Variants in ALDH3A1 observed in about 807,000 individuals in gnomAD.
ALDH3A1 encodes aldehyde dehydrogenase 3 family member A1.
ALDH3A1 carries 46 observed loss-of-function variants against 49.9 expected under a neutral mutation model. The observed-to-expected ratio is 0.92, with a 90% confidence interval of 0.73 to 1.18. The LOEUF (loss-of-function observed/expected upper bound fraction) is 1.18, where lower values mean the gene tolerates loss of function less well. Among genes scored for constraint, ALDH3A1 ranks in the 50% most tolerant of loss-of-function variants. The pLI, the probability that ALDH3A1 is intolerant of heterozygous loss-of-function variation, is 0.00. For synonymous variants in ALDH3A1, 269 were observed against 253.3 expected (o/e 1.06, Z -0.59); for missense variants, 592 against 611.8 (o/e 0.97, Z 0.34).
intron 1 of ALDH3A1, among the ~76,000 whole-genome samples, chr17:19,747,332 G>T (rs191412592): frequency 4.8e-4 from 73 of 152,220 alleles, no homozygotes; most frequent in African/African-American, 1.6e-3. Flanking sequence ...CCCTCCCTAT[G>T]TTCTGATAGG....
chr17:19,738,192 A>ATGGCC lies in ALDH3A1; in HGVS notation c.*24_*28dup. 1.2e-6 allele frequency: 2 copies of ATGGCC among 1,613,778 alleles called. No homozygotes were observed. The highest frequency in any genetic ancestry group is 2.2e-5 in the South Asian group (2 of 91,078). On this transcript the variant is annotated 3_prime_UTR_variant, in exon 11 of 11. Transcript: ENST00000225740. ...GGTCCGCACTCCGATGGGACACAGT[A>ATGGCC]TGGCCAGGCCAGGCGGAGCAACCCC... is the stretch of plus-strand genomic sequence containing the variant.
At chr17:19,744,919 C>CCACCCA in intron 2 of ALDH3A1, 49 bp downstream of exon 2, 3 of 1,385,394 alleles carry the variant, frequency 2.2e-6, no homozygotes, top group Non-Finnish European at 2.8e-6. Flanking sequence ...CCCCACGCCC[C>CCACCCA]ATCGCATGGC....
At chr17:19,747,741 G>C (rs999074585) in intron 1 of ALDH3A1, among the ~76,000 whole-genome samples, 3 of 152,172 alleles carry the variant, frequency 2.0e-5, no homozygotes, top group Non-Finnish European at 2.9e-5. Context: ...ACCTGTGCCA[G>C]TGTTGACTTT....
At chr17:19,744,465 G>A (rs1267883331) in intron 2 of ALDH3A1, 6 of 985,324 alleles carry the variant, frequency 6.1e-6, no homozygotes, top group African/African-American at 1.7e-5. Flanking sequence ...GTCGGTGGGA[G>A]GATGGGCTCC....
chr17:19,743,378 G>T lies in ALDH3A1; in HGVS notation c.248C>A (p.Ala83Glu). 6.2e-7 allele frequency: 1 copy of T among 1,614,156 alleles called. No homozygotes were observed. Among genetic ancestry groups the T allele is most frequent in the African/African-American group, 1.3e-5 (1 of 75,050 alleles). Residue 83 changes from alanine to glutamate, a missense_variant, in exon 3 of 11, where the codon GCG (alanine) becomes GAG (glutamate). By Grantham distance (107) the Ala-to-Glu change is moderately radical. Coordinates refer to ENST00000225740, the MANE Select transcript of ALDH3A1 (RefSeq NM_000691.5). The surrounding 1 kb of genome is among the most constrained non-coding windows in gnomAD (Gnocchi z 4.4). ...GGGCGTCTTCTCCACGGGCTCATCC[G>T]CGGCCCACTCAGGGAGCTTCTGGAT... ...YMIQKLPEWA[A>E]DEPVEKTPQT...
chr17:19,738,959 G>T, intron 9 of ALDH3A1, 37 bp downstream of exon 9: 1 of 1,588,986 alleles, frequency 6.3e-7, no homozygotes. Context: ...CAGCCCTGGG[G>T]CCCAGAGGGA....
Position 19,744,959 on chromosome 17 carries a change from C to A in ALDH3A1, c.162+9G>T, listed in dbSNP as rs776492802. The A allele has an allele frequency of 4.7e-5, 73 of 1,560,074 alleles. No individual in the cohort carries two copies. In the East Asian group the frequency reaches 1.7e-3, roughly 37 times the overall value. On this transcript the variant is annotated intron_variant, in intron 2 of 10. Coordinates refer to ENST00000225740, the MANE Select transcript of ALDH3A1 (RefSeq NM_000691.5). ...ACACTGGCAGAAGGCGGCCGCCCAG[C>A]CTGAGCACCTTGTGCAGGTCTGCGG...
Position 19,744,976 on chromosome 17 carries a change from G to A in ALDH3A1, c.154C>T (p.Leu52=). The A allele has an allele frequency of 6.4e-7, 1 of 1,571,194 alleles. No individual in the cohort carries two copies. Among genetic ancestry groups the A allele is most frequent in the Non-Finnish European group, 8.5e-7 (1 of 1,169,842 alleles). ...CCGCCCAGCCTGAGCACCTTGTGCAGGTCTGCGGCCAGCGCGCCCACCAGC... is the reference window on the plus strand; with the variant it reads ...CCGCCCAGCCTGAGCACCTTGTGCAAGTCTGCGGCCAGCGCGCCCACCAGC... ...QELVGALAAD[L]HKNEWNAYYE... Residue 52 remains leucine (L), a synonymous_variant, in exon 2 of 11, where the codon CTG becomes TTG. Coordinates refer to ENST00000225740, the MANE Select transcript of ALDH3A1 (RefSeq NM_000691.5).
At chr17:19,740,299 C>G (rs764054865) in intron 7 of ALDH3A1, 37 bp downstream of exon 7, 1 of 1,605,034 alleles carries the variant, frequency 6.2e-7, no homozygotes, top group South Asian at 1.1e-5. Context: ...CCCCTGCAGC[C>G]TGGGCAGGTG....
intron 6 of ALDH3A1, 114 bp from the exon 7 acceptor site, chr17:19,740,591 GC>G (rs1319992920): frequency 1.7e-6 from 2 of 1,198,338 alleles, no homozygotes; most frequent in East Asian, 4.7e-5. Flanking sequence ...TCTGGGTGGA[GC>G]TTTTTTCTTC....
chr17:19,738,489 T>C (rs1161376381), intron 9 of ALDH3A1, 36 bp from the exon 10 acceptor site: 4 of 1,593,128 alleles, frequency 2.5e-6, no homozygotes, highest in Non-Finnish European at 3.4e-6. Flanking sequence ...CTCAGCATCC[T>C]GCCCCCAGGA....
In ALDH3A1 at chr17:19,744,641, G is replaced by T. The variant is rs949082231; in HGVS notation, c.162+327C>A. The T allele has an allele frequency of 1.6e-5, 16 of 985,322 alleles. No homozygotes were observed. In the African/African-American group the frequency reaches 1.9e-4, roughly 12 times the overall value. The allele number at this position is 985,322 out of a possible 1,614,324, so 61.0% of individuals were successfully genotyped here. On this transcript the variant is annotated intron_variant, in intron 2 of 10. Coordinates refer to ENST00000225740, the MANE Select transcript of ALDH3A1 (RefSeq NM_000691.5). The stretch of plus-strand genomic sequence containing the variant: ...GCCAAGCTGCTCTGGTTCCTGGTGT[G>T]GAGAACCAAGTGGTCCTGCGTGGGG...
At chr17:19,747,503 G>A (rs1165316765) in intron 1 of ALDH3A1, among the ~76,000 whole-genome samples, 8 of 152,290 alleles carry the variant, frequency 5.3e-5, no homozygotes, top group African/African-American at 1.7e-4. Context: ...AGCGTGGGAC[G>A]GGATTGGCCT....
chr17:19,742,148 T>A lies in ALDH3A1; in HGVS notation c.545A>T (p.Asp182Val), dbSNP rs892692400. Residue 182 changes from aspartate (D) to valine (V), a missense_variant, in exon 5 of 11, where the codon GAC (aspartate) becomes GTC (valine). Physicochemically the swap from Asp to Val is radical, Grantham distance 152. Transcript: ENST00000225740. ...ETTELLKERF[D>V]HILYTGSTGV... ...CGTGCTGCCCGTGTACAGGATATGGTCGAACCTCTCCTTGAGCAGCTCCGT... is the reference window on the plus strand; with the variant it reads ...CGTGCTGCCCGTGTACAGGATATGGACGAACCTCTCCTTGAGCAGCTCCGT... 1 of 1,614,040 alleles carries A rather than the reference T, an allele frequency of 6.2e-7. No individual in the cohort carries two copies. Among genetic ancestry groups the A allele is most frequent in the African/African-American group, 1.3e-5 (1 of 75,010 alleles).
chr17:19,743,496 GC>G lies in ALDH3A1; in HGVS notation c.163-34del, dbSNP rs1434868366. On this transcript the variant is annotated intron_variant, in intron 2 of 10. Coordinates refer to ENST00000225740, the MANE Select transcript of ALDH3A1 (RefSeq NM_000691.5). The surrounding 1 kb of genome is among the most constrained non-coding windows in gnomAD (Gnocchi z 4.4). ...GACAGAGCCGGAGTGAGCTTCCAGG[GC>G]CAGGGCCCGCCTGCAGCTGGGGCGA... is the stretch of plus-strand genomic sequence containing the variant. 6.4e-7 allele frequency: 1 copy of G among 1,552,586 alleles called. No individual in the cohort carries two copies.
At chr17:19,738,801 G>A (rs537868369) in intron 9 of ALDH3A1, among the ~76,000 whole-genome samples, 195 bp downstream of exon 9, 3 of 152,312 alleles carry the variant, frequency 2.0e-5, no homozygotes, top group African/African-American at 7.2e-5. Context: ...GGTGCACCAG[G>A]TGACCTCTAG....
intron 8 of ALDH3A1, among the ~76,000 whole-genome samples, 153 bp from the exon 9 acceptor site, chr17:19,739,248 G>A (rs1409044248): frequency 2.6e-5 from 4 of 152,242 alleles, no homozygotes; most frequent in Admixed American, 6.5e-5. Flanking sequence ...CCTGCAGACC[G>A]CGTGGCTGTC....
intron 3 of ALDH3A1, 161 bp from the exon 4 acceptor site, chr17:19,742,791 G>A: frequency 6.5e-7 from 1 of 1,535,688 alleles, no homozygotes. Context: ...ACACCCAGGA[G>A]CACGCACGGG....
rs73312707 is a variant in ALDH3A1, at chr17:19,743,809, G to T, written c.163-346C>A. 2.3e-3 allele frequency: 2,269 copies of T among 973,142 alleles called. 24 individuals carry two copies. The African/African-American group carries it at 0.027, about 11-fold the overall frequency. 60.3% of individuals were successfully genotyped at this position (973,142 alleles called of 1,614,324 possible). A position where few individuals can be genotyped will look rare whatever the true frequency, so the allele number is the denominator to read the frequency against. ...AGGCAGTGGGAATGGATCCGGGGAG[G>T]GGGGGATGGATCCGGGGAGGGGGGA... is the stretch of plus-strand genomic sequence containing the variant. On this transcript the variant is annotated intron_variant, in intron 2 of 10. Coordinates refer to ENST00000225740, the MANE Select transcript of ALDH3A1 (RefSeq NM_000691.5). The surrounding 1 kb of genome is among the most constrained non-coding windows in gnomAD (Gnocchi z 4.4).
Sources: allele counts gnomAD v4.1 joint callset (sites outside exome capture counted in the v4.1 genomes callset), GRCh38; gene constraint gnomAD v4.1.1; non-coding constraint Gnocchi (gnomAD v3.1); transcripts MANE v1.5; gene names NCBI Gene and HGNC (gene_info 2026-07-23, HGNC 2026-07-21).